The following ADGRV1 variants were observed in gnomAD, a reference collection of about 807,000 sequenced individuals.
The protein encoded by ADGRV1 is G-protein coupled receptor 98.
In ADGRV1, 359 loss-of-function variants were observed where a neutral mutation model predicts 596.2. The ratio of observed to expected loss-of-function variants is 0.60; its 90% CI spans 0.55 to 0.66. ADGRV1 has a LOEUF of 0.66. Among genes scored for constraint, ADGRV1 ranks in the 30% least tolerant of loss-of-function variants. The pLI is 0.00. For missense variants in ADGRV1, 7,274 were observed against 7,575.6 expected, an observed-to-expected ratio of 0.96 and a Z score of 1.48; for synonymous variants, 2,681 against 2,679.2, an observed-to-expected ratio of 1.00 and a Z score of -0.02.
At chr5:90,963,974 G>A (rs966129208) in intron 83 of ADGRV1, among the ~76,000 whole-genome samples, 2 of 151,748 alleles carry the variant, frequency 1.3e-5, no homozygotes, top group African/African-American at 4.8e-5. Context: ...AATTGACTGA[G>A]GAATCAGGTT....
intron 83 of ADGRV1, among the ~76,000 whole-genome samples, chr5:90,918,207 G>A (rs1473725457): frequency 6.6e-6 from 1 of 152,088 alleles, no homozygotes; most frequent in Admixed American, 6.5e-5. Flanking sequence ...CTTGTAGGAA[G>A]TAGTCCCAAT....
intron 1 of ADGRV1, among the ~76,000 whole-genome samples, chr5:90,587,475 T>C (rs1402453708): frequency 6.6e-6 from 1 of 152,060 alleles, no homozygotes; most frequent in Non-Finnish European, 1.5e-5. Context: ...GTGATACTGA[T>C]ATTTCCAGTT....
chr5:91,106,309 G>A (rs895236232), intron 87 of ADGRV1, among the ~76,000 whole-genome samples: 23 of 152,096 alleles, frequency 1.5e-4, no homozygotes, highest in Non-Finnish European at 3.1e-4. Context: ...TCTCTATTCT[G>A]TTCCATTGGT....
At chr5:90,692,556 T>C in intron 31 of ADGRV1, 49 bp from the exon 32 acceptor site, 1 of 1,410,970 alleles carries the variant, frequency 7.1e-7, no homozygotes, top group Non-Finnish European at 9.7e-7. Context: ...ATTTTTATTC[T>C]AATTTCAGAA....
At position 90,810,943 on chromosome 5, in the gene ADGRV1, A is replaced by G. The variant is rs781662210; in HGVS notation, c.15683A>G (p.Tyr5228Cys). Residue 5228 changes from tyrosine to cysteine, a missense_variant, in exon 74 of 90, where the codon TAT (tyrosine) becomes TGT (cysteine). This residue lies in a region of ADGRV1 where 1,874 missense variants were observed against 1,970.2 expected (regional missense o/e 0.95). Coordinates refer to ENST00000405460, the MANE Select transcript of ADGRV1 (RefSeq NM_032119.4). ...TTCAGCCTTGGGCCATCCATTGTTTATATTGAAGAGGAGATGAAGAATGGC... is the reference window on the plus strand; with the variant it reads ...TTCAGCCTTGGGCCATCCATTGTTTGTATTGAAGAGGAGATGAAGAATGGC... The part of the protein sequence containing the change: ...GTFSLGPSIV[Y>C]IEEEMKNGTF... 9.9e-6 allele frequency: 16 copies of G among 1,613,996 alleles called. No homozygotes were observed. The highest frequency in any genetic ancestry group is 4.5e-5 in the East Asian group (2 of 44,880).
intron 42 of ADGRV1, 24 bp downstream of exon 42, chr5:90,712,452 A>G: frequency 6.5e-7 from 1 of 1,540,160 alleles, no homozygotes; most frequent in Non-Finnish European, 8.9e-7. Context: ...TCTTATAAAC[A>G]GCTTCCTCTC....
At chr5:90,778,388 C>T (rs1758478038) in intron 62 of ADGRV1, 39 bp from the exon 63 acceptor site, 3 of 1,568,400 alleles carry the variant, frequency 1.9e-6, no homozygotes, top group African/African-American at 1.4e-5. Context: ...CTTGAAATTC[C>T]ACAGATTCTA....
rs1352072115 is a variant in ADGRV1, at chr5:90,778,564, A to G, written c.12804A>G (p.Arg4268=). The change falls in exon 63 of 90, where the codon CGA becomes CGG. Residue 4268 remains arginine, a synonymous_variant. Transcript: ENST00000405460. The part of the protein sequence containing the change: ...TVVASDSPYG[R]FAFSHEQLRV... The stretch of plus-strand genomic sequence containing the variant: ...TGGCCAGCGACTCTCCCTATGGCCG[A>G]TTTGCCTTTTCACATGAGCAACTTC... The G allele has an allele frequency of 6.2e-7, 1 of 1,608,744 alleles. No homozygotes were observed. The highest frequency in any genetic ancestry group is 1.3e-5 in the African/African-American group (1 of 74,676).
At chr5:90,763,506 A>G (rs1310039183) in intron 59 of ADGRV1, 37 bp downstream of exon 59, 4 of 1,565,406 alleles carry the variant, frequency 2.6e-6, no homozygotes, top group Non-Finnish European at 3.5e-6. Flanking sequence ...ATTTTTCCCC[A>G]ATTTGTCTTT....
intron 83 of ADGRV1, among the ~76,000 whole-genome samples, chr5:90,923,213 TA>T (rs1427823029): frequency 2.6e-5 from 4 of 152,198 alleles, no homozygotes; most frequent in Non-Finnish European, 5.9e-5. Context: ...AATTTTTCAT[TA>T]TGCTGCTAAA....
chr5:90,814,206 T>C lies in ADGRV1; in HGVS notation c.16079-1413T>C, dbSNP rs548912734. On this transcript the variant is annotated intron_variant, in intron 74 of 89. Coordinates refer to ENST00000405460, the MANE Select transcript of ADGRV1 (RefSeq NM_032119.4). ...TTGGCAGTCTGAAACAAAACACACA[T>C]GAGACCCTAGGACAAATGTAGCCCA... Among the ~76,000 whole-genome samples the C allele has an allele frequency of 2.6e-5, 4 of 152,278 alleles. No homozygotes were observed. The South Asian group carries it at 8.3e-4, about 32-fold the overall frequency.
At chr5:91,062,635 C>T (rs192904912) in intron 85 of ADGRV1, among the ~76,000 whole-genome samples, 200 of 152,280 alleles carry the variant, frequency 1.3e-3, no homozygotes, top group Middle Eastern at 6.8e-3. Flanking sequence ...GTCTGCAGAT[C>T]TGCGGTATCC....
intron 1 of ADGRV1, among the ~76,000 whole-genome samples, chr5:90,588,816 G>T (rs1022350480): frequency 6.6e-6 from 1 of 152,182 alleles, no homozygotes; most frequent in Non-Finnish European, 1.5e-5. Flanking sequence ...ATTTAGAGTG[G>T]GAGGGTACAA....
intron 87 of ADGRV1, among the ~76,000 whole-genome samples, chr5:91,104,816 G>A (rs770289362): frequency 6.6e-6 from 1 of 151,120 alleles, no homozygotes; most frequent in Non-Finnish European, 1.5e-5. Context: ...GGCAAAAACT[G>A]CAGTTACATT....
intron 83 of ADGRV1, among the ~76,000 whole-genome samples, chr5:90,948,912 A>G (rs1776829593): frequency 6.6e-6 from 1 of 152,070 alleles, no homozygotes; most frequent in African/African-American, 2.4e-5. Flanking sequence ...CAAACATCAT[A>G]AGTCGGGGCC....
intron 83 of ADGRV1, among the ~76,000 whole-genome samples, chr5:90,872,374 T>A (rs1468618632): frequency 6.6e-6 from 1 of 152,056 alleles, no homozygotes; most frequent in Non-Finnish European, 1.5e-5. Context: ...AAAAATTGGA[T>A]ATATATAATA....
chr5:90,936,036 C>T (rs961395794), intron 83 of ADGRV1, among the ~76,000 whole-genome samples: 20 of 152,168 alleles, frequency 1.3e-4, no homozygotes, highest in African/African-American at 4.8e-4. Context: ...TAGAATAAGA[C>T]TCTTCCATGA....
chr5:90,830,372 A>G (rs1005319796), intron 77 of ADGRV1, among the ~76,000 whole-genome samples: 3 of 152,172 alleles, frequency 2.0e-5, no homozygotes, highest in African/African-American at 7.2e-5. Flanking sequence ...TAGAAGATAA[A>G]TTATAGAAGT....
intron 17 of ADGRV1, among the ~76,000 whole-genome samples, chr5:90,651,182 T>C (rs1768562214): frequency 6.6e-6 from 1 of 152,228 alleles, no homozygotes; most frequent in South Asian, 2.1e-4. Flanking sequence ...TTTTATGTTA[T>C]TGGGTAGTCC....
Sources: allele counts gnomAD v4.1 joint callset (sites outside exome capture counted in the v4.1 genomes callset), GRCh38; gene constraint gnomAD v4.1.1; regional missense constraint gnomAD v4.1.1; transcripts MANE v1.5; gene names NCBI Gene and HGNC (gene_info 2026-07-23, HGNC 2026-07-21).